QTMAN: variants seen among roughly 807,000 people sequenced by gnomAD.
QTMAN encodes the protein queuosine-tRNA mannosyltransferase.
At chr2:144,163,221 T>C in the QTMAN span, among the ~76,000 whole-genome samples, 1 of 152,038 alleles carries the variant, frequency 6.6e-6, no homozygotes, top group Non-Finnish European at 1.5e-5. Context: ...TTATTACAGA[T>C]TCTGGGTTTA....
At chr2:144,297,197 C>T in the QTMAN span, among the ~76,000 whole-genome samples, 1 of 152,146 alleles carries the variant, frequency 6.6e-6, no homozygotes, top group Admixed American at 6.5e-5. Context: ...CCACCATCAC[C>T]CAGCTTCAAC....
At chr2:143,979,265 C>T in the QTMAN span, among the ~76,000 whole-genome samples, 1 of 151,478 alleles carries the variant, frequency 6.6e-6, no homozygotes, top group Non-Finnish European at 1.5e-5. Context: ...ACAATGTGAT[C>T]AACAGAAAGA....
the QTMAN span, among the ~76,000 whole-genome samples, chr2:143,965,714 G>C: frequency 2.0e-5 from 3 of 152,184 alleles, no homozygotes; most frequent in African/African-American, 7.2e-5. Context: ...CACAACAGTT[G>C]TGACAGCCAA....
chr2:144,029,113 C>T, the QTMAN span, among the ~76,000 whole-genome samples: 1 of 152,180 alleles, frequency 6.6e-6, no homozygotes, highest in Admixed American at 6.5e-5. Context: ...AGAACAACTT[C>T]CTAAGGATGT....
the QTMAN span, among the ~76,000 whole-genome samples, chr2:144,185,773 T>C: frequency 6.6e-6 from 1 of 152,206 alleles, no homozygotes; most frequent in African/African-American, 2.4e-5. Flanking sequence ...AGCTGTTTTC[T>C]GTTTTGTTTT....
chr2:144,022,648 C>A, the QTMAN span, among the ~76,000 whole-genome samples: 1 of 143,806 alleles, frequency 7.0e-6, no homozygotes, highest in Admixed American at 7.3e-5. Context: ...ATTGCAACTT[C>A]CGCCTCCCAG....
At chr2:144,239,172 G>GA in the QTMAN span, among the ~76,000 whole-genome samples, 2 of 125,198 alleles carry the variant, frequency 1.6e-5, no homozygotes, top group Non-Finnish European at 3.4e-5. Flanking sequence ...AAAAAGAAAA[G>GA]AAAAAAAAGA....
chr2:143,969,004 C>T, the QTMAN span, among the ~76,000 whole-genome samples: 1 of 152,214 alleles, frequency 6.6e-6, no homozygotes. Flanking sequence ...ACCCAATCTA[C>T]TTTGGTTATC....
At chr2:144,257,416 A>G in the QTMAN span, among the ~76,000 whole-genome samples, 7 of 152,110 alleles carry the variant, frequency 4.6e-5, no homozygotes, top group African/African-American at 7.2e-5. Flanking sequence ...AAAAAAACAA[A>G]ACAAGACATT....
chr2:144,131,172 G>T, the QTMAN span, among the ~76,000 whole-genome samples: 1 of 151,942 alleles, frequency 6.6e-6, no homozygotes, highest in East Asian at 1.9e-4. Context: ...CTTCCTGCAG[G>T]TCAGCTCCAT....
chr2:144,285,180 A>G, the QTMAN span, among the ~76,000 whole-genome samples: 22,240 of 152,076 alleles, frequency 0.15, 2,550 homozygotes, highest in African/African-American at 0.32. Context: ...TCAAAATGGA[A>G]ACATATTCTT....
At chr2:144,319,688 A>G in the QTMAN span, 1 of 152,128 alleles carries the variant, frequency 6.6e-6, no homozygotes, top group Non-Finnish European at 1.5e-5. Context: ...TTTGTCTACC[A>G]GTGCATCACT....
chr2:144,077,637 T>C, the QTMAN span, among the ~76,000 whole-genome samples: 1 of 152,180 alleles, frequency 6.6e-6, no homozygotes, highest in Non-Finnish European at 1.5e-5. Context: ...ATATGTATGG[T>C]TGTGTCTATC....
At chr2:143,945,213 T>C in the QTMAN span, 4 of 152,220 alleles carry the variant, frequency 2.6e-5, no homozygotes, top group Non-Finnish European at 5.9e-5. Flanking sequence ...TCTTTAGTTT[T>C]GCTATCCAAA....
the QTMAN span, among the ~76,000 whole-genome samples, chr2:144,042,798 T>C: frequency 1.4e-5 from 2 of 147,740 alleles, no homozygotes; most frequent in East Asian, 2.0e-4. Flanking sequence ...TACAAATAAA[T>C]AAACAATGAA....
At chr2:144,007,666 C>T in the QTMAN span, 1 of 622,486 alleles carries the variant, frequency 1.6e-6, no homozygotes, top group Non-Finnish European at 2.5e-6. Context: ...ACAAAAATTC[C>T]AGAAAAAGTG....
chr2:144,234,899 GCTTCT>G, the QTMAN span, among the ~76,000 whole-genome samples: 2 of 152,114 alleles, frequency 1.3e-5, no homozygotes, highest in Non-Finnish European at 1.5e-5. Context: ...CAATATACAC[GCTTCT>G]CTTATTATTC....
the QTMAN span, among the ~76,000 whole-genome samples, chr2:144,016,045 T>G: frequency 6.6e-6 from 1 of 152,218 alleles, no homozygotes; most frequent in Non-Finnish European, 1.5e-5. Flanking sequence ...TTAAGCCACG[T>G]TGAGTAACAC....
the QTMAN span, among the ~76,000 whole-genome samples, chr2:143,958,663 T>C: frequency 6.6e-6 from 1 of 152,088 alleles, no homozygotes; most frequent in Admixed American, 6.6e-5. Context: ...TTAACCTTCT[T>C]TGTGCTATGG....
Sources: gnomAD v4.1 joint callset for allele counts (sites outside exome capture counted in the v4.1 genomes callset) on GRCh38, gnomAD v4.1.1 for gene constraint, MANE v1.5 for transcripts, NCBI Gene and HGNC (gene_info 2026-07-23, HGNC 2026-07-21) for gene names.